The following INTS6 variants were observed in gnomAD, a reference collection of about 807,000 sequenced individuals.
INTS6 encodes the protein integrator complex subunit 6.
A neutral mutation model predicts 104.9 loss-of-function variants in INTS6; 16 were observed. The ratio of observed to expected loss-of-function variants is 0.15; its 90% CI spans 0.10 to 0.23. INTS6 has a LOEUF of 0.23. Among genes scored for constraint, INTS6 ranks in the 10% least tolerant of loss-of-function variants. INTS6 has a pLI of 1.00. For missense variants in INTS6, 584 were observed against 1,062.8 expected (o/e 0.55, Z 6.26); for synonymous variants, 324 against 358.7 (o/e 0.90, Z 1.09).
intron 3 of INTS6, among the ~76,000 whole-genome samples, chr13:51,356,174 G>A (rs1275662326): frequency 2.0e-5 from 3 of 152,062 alleles, no homozygotes; most frequent in African/African-American, 7.2e-5. Context: ...GCCTGAACAC[G>A]CAAAGAGATA....
chr13:51,438,209 T>C (rs1473382470), intron 3 of INTS6: 1 of 152,186 alleles, frequency 6.6e-6, no homozygotes, highest in Non-Finnish European at 1.5e-5. Context: ...AAGAATCCTT[T>C]CTTGCTAGAT....
In INTS6 at chr13:51,452,977, G is replaced by C; in HGVS notation, c.-452C>G. The C allele has an allele frequency of 2.0e-6, 2 of 1,011,798 alleles. No homozygotes were observed. The highest frequency in any genetic ancestry group is 2.4e-6 in the Non-Finnish European group (2 of 845,806). 62.7% of individuals were successfully genotyped at this position (1,011,798 alleles called of 1,614,324 possible). A position where few individuals can be genotyped will look rare whatever the true frequency, so the allele number is the denominator to read the frequency against. On this transcript the variant is annotated 5_prime_UTR_variant, in exon 1 of 18. Coordinates refer to ENST00000311234, the MANE Select transcript of INTS6 (RefSeq NM_012141.3). This position sits in a 1 kb window ranked among gnomAD's most constrained non-coding sequence, Gnocchi z 4.2. ...CCTGGGGCTGTTGGGAGAAGTTTCA[G>C]GGACTCCCTCCGCACCCCGGCGGTG...
downstream of INTS6, among the ~76,000 whole-genome samples, chr13:51,359,887 G>C (rs71436249): frequency 2.0e-5 from 3 of 152,140 alleles, no homozygotes; most frequent in Admixed American, 6.6e-5. Context: ...AAAGACCCTA[G>C]AGAAAAAGAC....
chr13:51,436,063 A>G (rs1952679705), intron 3 of INTS6, among the ~76,000 whole-genome samples: 1 of 152,070 alleles, frequency 6.6e-6, no homozygotes, highest in South Asian at 2.1e-4. Context: ...TTTTGATGTC[A>G]AACTCTAAAA....
chr13:51,437,707 A>T (rs1240985268), intron 3 of INTS6: 1 of 152,226 alleles, frequency 6.6e-6, no homozygotes, highest in Non-Finnish European at 1.5e-5. Flanking sequence ...TCTGAAAATA[A>T]TTGGGTAAGG....
At chr13:51,440,640 AATGTTT>A (rs1158082756) in intron 3 of INTS6, 2 of 152,168 alleles carry the variant, frequency 1.3e-5, no homozygotes, top group South Asian at 4.1e-4. Flanking sequence ...TGTATTTGTC[AATGTTT>A]ATATCTGTTT....
intron 4 of INTS6, among the ~76,000 whole-genome samples, chr13:51,416,467 T>C (rs1956788811): frequency 6.6e-6 from 1 of 152,244 alleles, no homozygotes; most frequent in Admixed American, 6.5e-5. Flanking sequence ...ACACTTCATA[T>C]AAATGGAAAT....
intron 5 of INTS6, among the ~76,000 whole-genome samples, chr13:51,390,142 T>G (rs1426186490): frequency 6.6e-6 from 1 of 151,984 alleles, no homozygotes; most frequent in African/African-American, 2.4e-5. Flanking sequence ...AAAAGATCTT[T>G]TAAAGAGGAA....
At chr13:51,356,996 T>C (rs1227067876), downstream of INTS6, among the ~76,000 whole-genome samples, 1 of 152,162 alleles carries the variant, frequency 6.6e-6, no homozygotes, top group Non-Finnish European at 1.5e-5. Flanking sequence ...CAGCAAACAA[T>C]GGCCTACCAC....
At chr13:51,344,499 G>A in the INTS6 span, 2 of 1,545,642 alleles carry the variant, frequency 1.3e-6, no homozygotes, top group Non-Finnish European at 8.8e-7. Context: ...AAAGAAAACT[G>A]TACATTTCAA....
At chr13:51,429,800 A>ATATATATATATATATG (rs1957058588) in intron 4 of INTS6, among the ~76,000 whole-genome samples, 1 of 136,970 alleles carries the variant, frequency 7.3e-6, no homozygotes, top group East Asian at 2.3e-4. Context: ...ATATATATAT[A>ATATATATATATATATG]TATATATATG....
chr13:51,423,473 T>C (rs1488511334), intron 4 of INTS6, among the ~76,000 whole-genome samples: 2 of 152,054 alleles, frequency 1.3e-5, no homozygotes, highest in East Asian at 3.9e-4. Flanking sequence ...ACATGACAGA[T>C]AATATAAATT....
chr13:51,374,918 A>C (rs1955887930), intron 13 of INTS6, 122 bp from the exon 14 acceptor site: 2 of 1,000,154 alleles, frequency 2.0e-6, no homozygotes, highest in Admixed American at 5.7e-5. Flanking sequence ...ACATATTCTA[A>C]ATTTGTTTGG....
chr13:51,381,817 C>T (rs2137914554), intron 10 of INTS6, among the ~76,000 whole-genome samples: 1 of 152,028 alleles, frequency 6.6e-6, no homozygotes, highest in East Asian at 1.9e-4. Context: ...ATTCTCCTGC[C>T]TCAGCCTCCC....
chr13:51,384,103 T>C (rs775123642), intron 7 of INTS6: 30 of 163,166 alleles, frequency 1.8e-4, no homozygotes, highest in South Asian at 3.5e-4. Context: ...ACTTCCAAAG[T>C]AATCATAGAT....
downstream of INTS6, chr13:51,361,222 ATG>A (rs1955569617): frequency 9.0e-7 from 1 of 1,116,414 alleles, no homozygotes; most frequent in Non-Finnish European, 1.3e-6. Flanking sequence ...TGTGTTCTAA[ATG>A]TGTTAGAAAA....
downstream of INTS6, among the ~76,000 whole-genome samples, chr13:51,349,120 A>C (rs539257149): frequency 6.6e-6 from 1 of 152,366 alleles, no homozygotes; most frequent in East Asian, 1.9e-4. Context: ...ATTTGAAATC[A>C]GAGTAAATTT....
chr13:51,423,086 A>G, intron 4 of INTS6: 6 of 1,278,810 alleles, frequency 4.7e-6, no homozygotes, highest in Non-Finnish European at 6.1e-6. Context: ...GTGTGTCCCC[A>G]GTACCTAGAA....
intron 6 of INTS6, among the ~76,000 whole-genome samples, chr13:51,388,466 T>G (rs1009234394): frequency 9.2e-5 from 14 of 152,162 alleles, no homozygotes; most frequent in African/African-American, 3.4e-4. Context: ...TGATCTCCAC[T>G]CACCGCAACC....
Sources: gnomAD v4.1 joint callset for allele counts (sites outside exome capture counted in the v4.1 genomes callset) on GRCh38, gnomAD v4.1.1 for gene constraint, Gnocchi (gnomAD v3.1) non-coding constraint, MANE v1.5 for transcripts, NCBI Gene and HGNC (gene_info 2026-07-23, HGNC 2026-07-21) for gene names.